KCNMA1: variants seen among roughly 807,000 people sequenced by gnomAD.
KCNMA1 encodes potassium calcium-activated channel subfamily M alpha 1, also known as Calcium-activated potassium channel subunit alpha-1.
In KCNMA1, 29 loss-of-function variants were observed where a neutral mutation model predicts 140.0. The observed-to-expected ratio is 0.21, with a 90% CI of 0.15 to 0.28. The LOEUF (loss-of-function observed/expected upper bound fraction) is 0.28, where lower values mean the gene tolerates loss of function less well. Among genes scored for constraint, KCNMA1 ranks in the 10% least tolerant of loss-of-function variants. The pLI is 1.00. For missense variants in KCNMA1, 880 were observed against 1,602.2 expected (o/e 0.55, Z 7.70); for synonymous variants, 612 against 611.9 (o/e 1.00, Z 0.00).
intron 18 of KCNMA1, among the ~76,000 whole-genome samples, chr10:77,008,584 G>A (rs528464113): frequency 2.0e-5 from 3 of 152,338 alleles, no homozygotes; most frequent in South Asian, 2.1e-4. Context: ...TTCTCCGGAT[G>A]AGATGACGTG....
At chr10:76,947,220 C>A (rs575147743) in intron 22 of KCNMA1, among the ~76,000 whole-genome samples, 1 of 151,922 alleles carries the variant, frequency 6.6e-6, no homozygotes, top group Non-Finnish European at 1.5e-5. Flanking sequence ...GCCTGTAAAC[C>A]CAGCTACTCA....
At chr10:77,402,437 C>A (rs78150150) in intron 2 of KCNMA1, among the ~76,000 whole-genome samples, 3,143 of 152,280 alleles carry the variant, frequency 0.021, 109 homozygotes, top group African/African-American at 0.071. Context: ...CTTTAAATGT[C>A]CCCTCTTTCC....
intron 2 of KCNMA1, among the ~76,000 whole-genome samples, chr10:77,322,744 T>C (rs1359871938): frequency 6.6e-6 from 1 of 152,134 alleles, no homozygotes; most frequent in Non-Finnish European, 1.5e-5. Flanking sequence ...CAGATCATTG[T>C]TCCCAAACAC....
intron 2 of KCNMA1, among the ~76,000 whole-genome samples, chr10:77,335,019 C>A (rs1603032988): frequency 6.6e-6 from 1 of 152,070 alleles, no homozygotes; most frequent in East Asian, 1.9e-4. Flanking sequence ...ACATATTGGA[C>A]CCTCAGGGTT....
At chr10:76,894,689 T>C (rs1051170762) in intron 25 of KCNMA1, among the ~76,000 whole-genome samples, 12 of 152,268 alleles carry the variant, frequency 7.9e-5, no homozygotes, top group Middle Eastern at 3.4e-3. Flanking sequence ...TCCAAAAAGA[T>C]ATAAAAGTGG....
At chr10:77,244,766 G>C (rs1360695880) in intron 3 of KCNMA1, among the ~76,000 whole-genome samples, 2 of 151,872 alleles carry the variant, frequency 1.3e-5, no homozygotes, top group Non-Finnish European at 2.9e-5. Context: ...TCTCATATCA[G>C]AGCACCAAGT....
intron 1 of KCNMA1, among the ~76,000 whole-genome samples, chr10:77,589,216 G>C (rs1453010883): frequency 1.3e-5 from 2 of 152,276 alleles, no homozygotes; most frequent in African/African-American, 4.8e-5. Flanking sequence ...AAACGACTTT[G>C]CAGCCCAAAG....
At chr10:76,922,808 C>A (rs543299666) in intron 23 of KCNMA1, among the ~76,000 whole-genome samples, 5 of 152,202 alleles carry the variant, frequency 3.3e-5, no homozygotes, top group Non-Finnish European at 5.9e-5. Context: ...TTGGATTTCA[C>A]TTGTGCCAAA....
intron 1 of KCNMA1, among the ~76,000 whole-genome samples, chr10:77,606,794 A>G (rs2084705185): frequency 1.3e-5 from 2 of 152,076 alleles, no homozygotes; most frequent in Non-Finnish European, 2.9e-5. Context: ...AGGAAGAGCC[A>G]CCAAGAGTTT....
chr10:77,616,006 A>G (rs945002736), intron 1 of KCNMA1, among the ~76,000 whole-genome samples: 1 of 152,220 alleles, frequency 6.6e-6, no homozygotes, highest in Non-Finnish European at 1.5e-5. Context: ...CAGTTTACCA[A>G]TGAAGAAAGT....
At chr10:77,454,200 GA>G (rs1228049819) in intron 1 of KCNMA1, among the ~76,000 whole-genome samples, 5 of 152,044 alleles carry the variant, frequency 3.3e-5, no homozygotes, top group African/African-American at 7.2e-5. Flanking sequence ...AACCCATAAT[GA>G]AAAAATAGTC....
At chr10:77,229,497 T>A (rs548640126) in intron 3 of KCNMA1, among the ~76,000 whole-genome samples, 129 of 152,246 alleles carry the variant, frequency 8.5e-4, no homozygotes, top group Non-Finnish European at 1.6e-3. Context: ...CTGCCAGGCA[T>A]GTGCCAGGAG....
At chr10:76,986,410 T>A (rs945308757) in intron 19 of KCNMA1, among the ~76,000 whole-genome samples, 2 of 152,214 alleles carry the variant, frequency 1.3e-5, no homozygotes, top group South Asian at 4.1e-4. Context: ...GAACGAAGTG[T>A]CTCCAGTTAT....
intron 9 of KCNMA1, among the ~76,000 whole-genome samples, chr10:77,098,584 A>AC (rs2097001914): frequency 6.6e-6 from 1 of 151,948 alleles, no homozygotes; most frequent in East Asian, 1.9e-4. Context: ...TTAAAAAAAA[A>AC]AAACAAAAAA....
chr10:77,568,249 C>A (rs960448173), intron 1 of KCNMA1, among the ~76,000 whole-genome samples: 2 of 152,160 alleles, frequency 1.3e-5, no homozygotes, highest in Non-Finnish European at 2.9e-5. Flanking sequence ...CCAGCATCAT[C>A]CTGATACCAA....
chr10:76,949,191 T>A lies in KCNMA1; in HGVS notation c.2660A>T (p.Lys887Met). Residue 887 changes from lysine to methionine, a missense_variant, in exon 22 of 28, where the codon AAG becomes ATG. Lys to Met is a moderately conservative substitution (Grantham distance 95). Coordinates refer to ENST00000286628, the MANE Select transcript of KCNMA1 (RefSeq NM_001161352.2). ...GTTATGAAGCGTCTCCCATTCCCGC[T>A]TGAGGTACTCAATAGAGCCCACAAA... is the stretch of plus-strand genomic sequence containing the variant. The part of the protein sequence containing the change: ...IVFVGSIEYL[K>M]REWETLHNFP... 6 of 1,614,194 alleles carry A rather than the reference T, an allele frequency of 3.7e-6. No individual in the cohort carries two copies. Among genetic ancestry groups the A allele is most frequent in the Non-Finnish European group, 5.1e-6 (6 of 1,180,022 alleles).
chr10:77,066,947 C>T (rs78682314), intron 14 of KCNMA1, among the ~76,000 whole-genome samples: 1,924 of 152,272 alleles, frequency 0.013, 41 homozygotes, highest in African/African-American at 0.044. Flanking sequence ...AACCCTGCCA[C>T]GCAAGGTTGA....
chr10:77,272,031 C>T (rs1303194097), intron 2 of KCNMA1, among the ~76,000 whole-genome samples: 4 of 152,154 alleles, frequency 2.6e-5, no homozygotes, highest in East Asian at 1.9e-4. Context: ...TTCTAAAGCA[C>T]GACTGAGTTG....
intron 25 of KCNMA1, among the ~76,000 whole-genome samples, chr10:76,893,098 A>G (rs1163184640): frequency 6.6e-6 from 1 of 152,134 alleles, no homozygotes; most frequent in Non-Finnish European, 1.5e-5. Context: ...AGCTGGGCTG[A>G]GGGGTTTAAT....
Sources: gnomAD v4.1 joint callset for allele counts (sites outside exome capture counted in the v4.1 genomes callset) on GRCh38, gnomAD v4.1.1 for gene constraint, MANE v1.5 for transcripts, NCBI Gene and HGNC (gene_info 2026-07-23, HGNC 2026-07-21) for gene names.